C2CD2: variants seen among roughly 807,000 people sequenced by gnomAD.
The protein encoded by C2CD2 is C2 calcium dependent domain containing 2, also known as C2 domain-containing protein 2.
C2CD2 carries 43 observed loss-of-function variants against 74.3 expected under a neutral mutation model. That is an observed-to-expected ratio of 0.58 (90% CI 0.45 to 0.75). The LOEUF is 0.75. C2CD2 is among the 30% of genes least tolerant of loss of function. The pLI, the probability that C2CD2 is intolerant of heterozygous loss-of-function variation, is 0.00. For synonymous variants in C2CD2, 422 were observed against 390.7 expected (o/e 1.08, Z -0.94); for missense variants, 801 against 916.3 (o/e 0.87, Z 1.63).
Position 41,903,581 on chromosome 21 carries a change from C to A in C2CD2, c.1433-1832G>T, listed in dbSNP as rs1005704448. Among the ~76,000 whole-genome samples, 5 of 152,182 alleles carry A rather than the reference C, an allele frequency of 3.3e-5. No homozygotes were observed. Among genetic ancestry groups the A allele is most frequent in the South Asian group, 2.1e-4 (1 of 4,824 alleles). ...ATTTTTGTTTAGCCACTGACCCACA[C>A]TGAGAAGAGAGAAGTGCTGGAGAAA... is the stretch of plus-strand genomic sequence containing the variant. On this transcript the variant is annotated intron_variant, in intron 11 of 13. Coordinates refer to ENST00000380486, the MANE Select transcript of C2CD2 (RefSeq NM_015500.2). This position sits in a 1 kb window ranked among gnomAD's most constrained non-coding sequence, Gnocchi z 4.5.
chr21:41,922,485 T>A (rs2146200580), intron 2 of C2CD2, among the ~76,000 whole-genome samples: 1 of 151,064 alleles, frequency 6.6e-6, no homozygotes, highest in Admixed American at 6.6e-5. Flanking sequence ...TCTTTTTTTT[T>A]TTTTTTTGAG....
chr21:41,889,027 G>A lies in C2CD2; in HGVS notation c.*97C>T. The A allele has an allele frequency of 1.2e-6, 1 of 864,628 alleles. No homozygotes were observed. Among genetic ancestry groups the A allele is most frequent in the Non-Finnish European group, 1.9e-6 (1 of 523,936 alleles). 53.6% of individuals were successfully genotyped at this position (864,628 alleles called of 1,614,324 possible). On this transcript the variant is annotated 3_prime_UTR_variant, in exon 14 of 14. Coordinates refer to ENST00000380486, the MANE Select transcript of C2CD2 (RefSeq NM_015500.2). Reference sequence around the variant, plus strand: ...TGGAAGAAACCCAGCAAGACAAGCGGGGCATCTGGACATCCGGCGGACACA... The same window carrying A: ...TGGAAGAAACCCAGCAAGACAAGCGAGGCATCTGGACATCCGGCGGACACA...
rs2065179777 is a variant in C2CD2, at chr21:41,923,736, TACC to T, written c.379-1654_379-1652del. Among the ~76,000 whole-genome samples, 1 of 152,278 alleles carries T rather than the reference TACC, an allele frequency of 6.6e-6. No individual in the cohort carries two copies. Among genetic ancestry groups the T allele is most frequent in the Non-Finnish European group, 1.5e-5 (1 of 68,026 alleles). On this transcript the variant is annotated intron_variant, in intron 2 of 13. Transcript: ENST00000380486. This position sits in a 1 kb window ranked among gnomAD's most constrained non-coding sequence, Gnocchi z 5.8. ...TATTAAGAGGGGTGCTTTTCACAGC[TACC>T]ATGGCACAGAGAGAGATCTAGTTTC... is the stretch of plus-strand genomic sequence containing the variant.
Position 41,929,914 on chromosome 21 carries a change from G to T in C2CD2, c.379-7829C>A, listed in dbSNP as rs2065248168. Among the ~76,000 whole-genome samples, 1 of 152,230 alleles carries T rather than the reference G, an allele frequency of 6.6e-6. No individual in the cohort carries two copies. The highest frequency in any genetic ancestry group is 2.4e-5 in the African/African-American group (1 of 41,470). ...TTGCATTCCAAAGCTTAGCTTAGGG[G>T]AAGAACAGGCTTCTGCCTTAAGGGT... On this transcript the variant is annotated intron_variant, in intron 2 of 13. Coordinates refer to ENST00000380486, the MANE Select transcript of C2CD2 (RefSeq NM_015500.2). This position sits in a 1 kb window ranked among gnomAD's most constrained non-coding sequence, Gnocchi z 4.6.
At chr21:41,944,261 C>T (rs555429314) in intron 1 of C2CD2, among the ~76,000 whole-genome samples, 7 of 152,078 alleles carry the variant, frequency 4.6e-5, no homozygotes, top group Non-Finnish European at 7.4e-5. Context: ...GCCTGTAACC[C>T]CAGCACTTTG....
In C2CD2 at chr21:41,901,727, C is replaced by T. The variant is rs371761049; in HGVS notation, c.1455G>A (p.Ser485=). ...GAATGGCCACTTCAGCCACTGGATC[C>T]GAACCATTCAACACCAACAATTCTA... ...SDTELLVLNG[S]DPVAEVAIRQ... The change falls in exon 12 of 14, where the codon TCG becomes TCA. Residue 485 remains serine (S), a synonymous_variant. Coordinates refer to ENST00000380486, the MANE Select transcript of C2CD2 (RefSeq NM_015500.2). 57 of 1,613,860 alleles carry T rather than the reference C, an allele frequency of 3.5e-5. No individual in the cohort carries two copies. Among genetic ancestry groups the T allele is most frequent in the Non-Finnish European group, 4.7e-5 (55 of 1,179,866 alleles).
rs1292120572 is a variant in C2CD2, at chr21:41,895,878, T to TTTCA, written c.1870+3171_1870+3174dup. 2.6e-5 allele frequency among the ~76,000 whole-genome samples: 4 copies of TTTCA among 152,080 alleles called. No individual in the cohort carries two copies. Among genetic ancestry groups the TTTCA allele is most frequent in the Admixed American group, 2.0e-4 (3 of 15,268 alleles). The stretch of plus-strand genomic sequence containing the variant: ...TTGGCTTCCCAAGAACAGCATCGGA[T>TTTCA]TTCAACTGGAACCACAGATGGTCCG... On this transcript the variant is annotated intron_variant, in intron 13 of 13. Transcript: ENST00000380486. This position sits in a 1 kb window ranked among gnomAD's most constrained non-coding sequence, Gnocchi z 5.0.
chr21:41,903,408 C>A lies in C2CD2; in HGVS notation c.1433-1659G>T, dbSNP rs2064922478. ...GGTGGTTTTGTGGGGCTGAGCCTTT[C>A]ACCTGTGGGATCTGAGCTAACTCCA... On this transcript the variant is annotated intron_variant, in intron 11 of 13. Coordinates refer to ENST00000380486, the MANE Select transcript of C2CD2 (RefSeq NM_015500.2). This position sits in a 1 kb window ranked among gnomAD's most constrained non-coding sequence, Gnocchi z 4.5. Among the ~76,000 whole-genome samples, 1 of 152,184 alleles carries A rather than the reference C, an allele frequency of 6.6e-6. No individual in the cohort carries two copies. The highest frequency in any genetic ancestry group is 6.5e-5 in the Admixed American group (1 of 15,282).
chr21:41,901,124 G>A (rs1416402431), intron 12 of C2CD2: 1 of 198,808 alleles, frequency 5.0e-6, no homozygotes, highest in Non-Finnish European at 1.0e-5. Flanking sequence ...CCTGCTCTGA[G>A]CGGACGTCCC....
chr21:41,912,270 A>T, intron 7 of C2CD2, 62 bp downstream of exon 7: 1 of 967,838 alleles, frequency 1.0e-6, no homozygotes, highest in Admixed American at 2.0e-5. Flanking sequence ...TGATTTCAGG[A>T]TTTGGCGCTC....
In C2CD2 at chr21:41,926,212, G is replaced by T. The variant is rs757016882; in HGVS notation, c.379-4127C>A. ...ACCATCCCCCAACCTGCATTTTTTT[G>T]ACATTTTTTTTCCCCAAAACAAGCA... On this transcript the variant is annotated intron_variant, in intron 2 of 13. Transcript: ENST00000380486. The surrounding 1 kb of genome is among the most constrained non-coding windows in gnomAD (Gnocchi z 8.0). Among the ~76,000 whole-genome samples, 1 of 152,084 alleles carries T rather than the reference G, an allele frequency of 6.6e-6. No individual in the cohort carries two copies. Among genetic ancestry groups the T allele is most frequent in the African/African-American group, 2.4e-5 (1 of 41,384 alleles).
chr21:41,906,263 T>G (rs2064960999), intron 10 of C2CD2, among the ~76,000 whole-genome samples: 1 of 152,232 alleles, frequency 6.6e-6, no homozygotes, highest in Non-Finnish European at 1.5e-5. Flanking sequence ...TAGCAAACGA[T>G]TTTTCACAGA....
At chr21:41,917,618 G>A (rs2065107307) in intron 5 of C2CD2, among the ~76,000 whole-genome samples, 1 of 152,176 alleles carries the variant, frequency 6.6e-6, no homozygotes, top group South Asian at 2.1e-4. Flanking sequence ...TGAGGAGGGA[G>A]GCAGGTGATA....
At chr21:41,905,185 G>C (rs1051592099) in intron 11 of C2CD2, among the ~76,000 whole-genome samples, 4 of 151,972 alleles carry the variant, frequency 2.6e-5, no homozygotes, top group Non-Finnish European at 5.9e-5. Flanking sequence ...TTTTTATTTT[G>C]TTAAAGCATT....
At chr21:41,950,903 G>T (rs1178381955) in intron 1 of C2CD2, among the ~76,000 whole-genome samples, 1 of 152,186 alleles carries the variant, frequency 6.6e-6, no homozygotes, top group East Asian at 1.9e-4. Context: ...TAAGCGACAG[G>T]CCAAGAACTG....
chr21:41,888,487 T>A lies in C2CD2; in HGVS notation c.*637A>T, dbSNP rs2064709388. On this transcript the variant is annotated 3_prime_UTR_variant, in exon 14 of 14. Coordinates refer to ENST00000380486, the MANE Select transcript of C2CD2 (RefSeq NM_015500.2). ...AGTGTTCTGCATACTATGCATAGGA[T>A]ATAGTTAGTGTTCAAGTTCTATGGC... 3 of 155,004 alleles carry A rather than the reference T, an allele frequency of 1.9e-5. No homozygotes were observed. The highest frequency in any genetic ancestry group is 1.9e-4 in the Admixed American group (3 of 15,872). The allele number at this position is 155,004 out of a possible 1,614,324, so 9.6% of individuals were successfully genotyped here. A position where few individuals can be genotyped will look rare whatever the true frequency, so the allele number is the denominator to read the frequency against.
intron 5 of C2CD2, among the ~76,000 whole-genome samples, chr21:41,915,597 C>T (rs565889765): frequency 3.3e-5 from 5 of 152,004 alleles, no homozygotes; most frequent in South Asian, 2.1e-4. Context: ...CCACCACACC[C>T]GGCTAATTCT....
chr21:41,911,842 G>C (rs78396966), intron 7 of C2CD2, among the ~76,000 whole-genome samples: 3,176 of 152,136 alleles, frequency 0.021, 135 homozygotes, highest in African/African-American at 0.072. Flanking sequence ...TACAGGCAAG[G>C]CAAGGGCCAC....
intron 3 of C2CD2, 76 bp from the exon 4 acceptor site, chr21:41,919,036 G>A: frequency 1.0e-6 from 1 of 966,928 alleles, no homozygotes; most frequent in South Asian, 1.3e-5. Context: ...GCATGTGACT[G>A]TGTGAGCATG....
Sources: allele counts gnomAD v4.1 joint callset (sites outside exome capture counted in the v4.1 genomes callset), GRCh38; gene constraint gnomAD v4.1.1; non-coding constraint Gnocchi (gnomAD v3.1); transcripts MANE v1.5; gene names NCBI Gene and HGNC (gene_info 2026-07-23, HGNC 2026-07-21).